MFAP3L: variants seen among roughly 807,000 people sequenced by gnomAD.
The protein encoded by MFAP3L is microfibrillar-associated protein 3-like.
In MFAP3L, 5 loss-of-function variants were observed where a neutral mutation model predicts 20.0. That is an observed-to-expected ratio of 0.25 (90% confidence interval 0.13 to 0.53). The LOEUF (loss-of-function observed/expected upper bound fraction) is 0.53, where lower values mean the gene tolerates loss of function less well. MFAP3L is among the 20% of genes least tolerant of loss of function. The pLI, the probability that MFAP3L is intolerant of heterozygous loss-of-function variation, is 0.96. For synonymous variants in MFAP3L, 219 were observed against 213.0 expected, an observed-to-expected ratio of 1.03 and a Z score of -0.25; for missense variants, 409 against 527.5, an observed-to-expected ratio of 0.78 and a Z score of 2.20.
In MFAP3L at chr4:169,990,258, A is replaced by G. The variant is rs374747550; in HGVS notation, c.*1120T>C. 2 of 152,360 alleles carry G rather than the reference A, an allele frequency of 1.3e-5. No individual in the cohort carries two copies. The highest frequency in any genetic ancestry group is 3.9e-4 in the East Asian group (2 of 5,180). 9.4% of individuals were successfully genotyped at this position (152,360 alleles called of 1,614,324 possible). On this transcript the variant is annotated 3_prime_UTR_variant, in exon 3 of 3. Coordinates refer to ENST00000361618, the MANE Select transcript of MFAP3L (RefSeq NM_021647.8). ...CATAATTATTCAACAGTTTTGGCAT[A>G]AAATCTGATGGCACAGTTCCCTTTG...
chr4:169,996,530 A>G (rs1001202498), intron 2 of MFAP3L, among the ~76,000 whole-genome samples: 3 of 152,088 alleles, frequency 2.0e-5, no homozygotes, highest in African/African-American at 7.2e-5. Flanking sequence ...ACAGAGAGCA[A>G]GGGCTTCCTA....
intron 1 of MFAP3L, among the ~76,000 whole-genome samples, chr4:170,023,310 A>G (rs1181050996): frequency 6.6e-6 from 1 of 152,086 alleles, no homozygotes; most frequent in African/African-American, 2.4e-5. Flanking sequence ...TGGCCTCAGG[A>G]GTCTAACTAT....
chr4:170,011,291 A>G (rs1056151155), intron 1 of MFAP3L, among the ~76,000 whole-genome samples: 12 of 152,048 alleles, frequency 7.9e-5, no homozygotes, highest in African/African-American at 2.4e-4. Flanking sequence ...AAATCTGTGG[A>G]AAAAAAATGT....
chr4:170,010,898 G>C (rs1431652597), intron 1 of MFAP3L, among the ~76,000 whole-genome samples: 2 of 152,104 alleles, frequency 1.3e-5, no homozygotes, highest in African/African-American at 4.8e-5. Flanking sequence ...ATAAACTATG[G>C]TGATATGGTT....
chr4:170,004,826 C>T (rs1405721367), intron 2 of MFAP3L, among the ~76,000 whole-genome samples: 1 of 152,208 alleles, frequency 6.6e-6, no homozygotes, highest in Admixed American at 6.5e-5. Context: ...CTCTACTTCA[C>T]ACAGTAAATG....
At position 170,024,797 on chromosome 4, in the gene MFAP3L, A is replaced by G. The variant is rs531970131; in HGVS notation, c.-134+1437T>C. Among the ~76,000 whole-genome samples the G allele has an allele frequency of 2.3e-3, 347 of 152,362 alleles. 4 individuals are homozygous for G. Among genetic ancestry groups the G allele is most frequent in the African/African-American group, 8.0e-3 (332 of 41,594 alleles). On this transcript the variant is annotated intron_variant, in intron 1 of 2. Coordinates refer to ENST00000361618, the MANE Select transcript of MFAP3L (RefSeq NM_021647.8). ...ACTCTATACTGGGGGAAATCACCCC[A>G]GAGAGTATCCAGAATTAGAGCTGGA...
At chr4:170,023,874 A>C (rs1197804316) in intron 1 of MFAP3L, among the ~76,000 whole-genome samples, 1 of 152,244 alleles carries the variant, frequency 6.6e-6, no homozygotes, top group East Asian at 1.9e-4. Flanking sequence ...CGAGTATTTA[A>C]ATTGCAAGCC....
chr4:170,021,434 T>G (rs923015749), intron 1 of MFAP3L, among the ~76,000 whole-genome samples: 1 of 152,210 alleles, frequency 6.6e-6, no homozygotes, highest in Non-Finnish European at 1.5e-5. Flanking sequence ...CATCATTCTA[T>G]GAGAACATTT....
intron 1 of MFAP3L, among the ~76,000 whole-genome samples, chr4:170,016,746 C>T (rs773678994): frequency 2.8e-4 from 43 of 152,190 alleles, no homozygotes; most frequent in Non-Finnish European, 5.4e-4. Flanking sequence ...ACTTACTGCT[C>T]GCCTTTGGTA....
chr4:170,012,389 C>G lies in MFAP3L; in HGVS notation c.-133-6379G>C, dbSNP rs542336416. On this transcript the variant is annotated intron_variant, in intron 1 of 2. Transcript: ENST00000361618. Reference sequence around the variant, plus strand: ...TGTCTCATTTACTAAAAACCAATGGCTGGCACTGTCAGTAGAATACACAAA... The same window carrying G: ...TGTCTCATTTACTAAAAACCAATGGGTGGCACTGTCAGTAGAATACACAAA... Among the ~76,000 whole-genome samples, 188 of 152,352 alleles carry G rather than the reference C, an allele frequency of 1.2e-3. 1 individual carries two copies. Among genetic ancestry groups the G allele is most frequent in the South Asian group, 4.3e-3 (21 of 4,828 alleles).
intron 1 of MFAP3L, among the ~76,000 whole-genome samples, chr4:170,007,224 C>A (rs1422555860): frequency 2.6e-5 from 4 of 152,072 alleles, no homozygotes; most frequent in Non-Finnish European, 1.5e-5. Flanking sequence ...TGCTTTCCTG[C>A]CCTAGGAAGC....
chr4:170,001,659 GCTA>G lies in MFAP3L; in HGVS notation c.298+3918_298+3920del, dbSNP rs376690727. On this transcript the variant is annotated intron_variant, in intron 2 of 2. Coordinates refer to ENST00000361618, the MANE Select transcript of MFAP3L (RefSeq NM_021647.8). ...TGAAATAGTTAGGACTTAATTCCTG[GCTA>G]CTATACATTTCTACTCACTTCTAGC... is the stretch of plus-strand genomic sequence containing the variant. 6.2e-3 allele frequency among the ~76,000 whole-genome samples: 947 copies of G among 152,222 alleles called. 4 individuals carry two copies. The highest frequency in any genetic ancestry group is 0.024 in the South Asian group (118 of 4,818).
intron 1 of MFAP3L, among the ~76,000 whole-genome samples, chr4:170,012,800 A>C (rs1179319684): frequency 6.6e-6 from 1 of 152,186 alleles, no homozygotes; most frequent in Non-Finnish European, 1.5e-5. Context: ...ATTTCCAGCT[A>C]CTTAATGGGT....
In MFAP3L at chr4:170,017,074, C is replaced by T. The variant is rs149964590; in HGVS notation, c.-134+9160G>A. 9.8e-4 allele frequency among the ~76,000 whole-genome samples: 150 copies of T among 152,288 alleles called. 1 individual carries two copies. In the East Asian group the frequency reaches 0.028, roughly 28 times the overall value. Reference sequence around the variant, plus strand: ...TGATTAAGACCATTCAAATTCACAGCGTAGGAACTAGATCACCTAGGGTTT... The same window carrying T: ...TGATTAAGACCATTCAAATTCACAGTGTAGGAACTAGATCACCTAGGGTTT... On this transcript the variant is annotated intron_variant, in intron 1 of 2. Transcript: ENST00000361618.
chr4:169,987,308 T>C lies in MFAP3L; in HGVS notation c.*4070A>G, dbSNP rs1581426796. 3 of 152,276 alleles carry C rather than the reference T, an allele frequency of 2.0e-5. No individual in the cohort carries two copies. The South Asian group carries it at 6.2e-4, about 32-fold the overall frequency. 9.4% of individuals were successfully genotyped at this position (152,276 alleles called of 1,614,324 possible). A position where few individuals can be genotyped will look rare whatever the true frequency, so the allele number is the denominator to read the frequency against. Reference sequence around the variant, plus strand: ...TATGTGAAAATACAATGAGATTTGGTAGATATTTTAAGAGTATGAATAACT... The same window carrying C: ...TATGTGAAAATACAATGAGATTTGGCAGATATTTTAAGAGTATGAATAACT... On this transcript the variant is annotated 3_prime_UTR_variant, in exon 3 of 3. Coordinates refer to ENST00000361618, the MANE Select transcript of MFAP3L (RefSeq NM_021647.8).
At chr4:170,019,477 G>C (rs1385886332) in intron 1 of MFAP3L, among the ~76,000 whole-genome samples, 3 of 152,184 alleles carry the variant, frequency 2.0e-5, no homozygotes, top group African/African-American at 7.2e-5. Context: ...CCAGGAGTTT[G>C]AGGCTACAGT....
intron 2 of MFAP3L, chr4:169,994,163 C>G: frequency 1.0e-6 from 1 of 984,684 alleles, no homozygotes; most frequent in African/African-American, 1.7e-5. Context: ...GTTCTAGAGA[C>G]TTACAGGCTA....
chr4:170,012,809 G>A (rs1305465591), intron 1 of MFAP3L, among the ~76,000 whole-genome samples: 4 of 152,302 alleles, frequency 2.6e-5, no homozygotes, highest in South Asian at 4.1e-4. Context: ...TACTTAATGG[G>A]TAGAACTAAA....
intron 1 of MFAP3L, among the ~76,000 whole-genome samples, chr4:170,024,591 G>A (rs1740238075): frequency 6.6e-6 from 1 of 152,178 alleles, no homozygotes; most frequent in Admixed American, 6.5e-5. Context: ...TTCTATAAAT[G>A]TATTTAGAAA....
Sources: gnomAD v4.1 joint callset for allele counts (sites outside exome capture counted in the v4.1 genomes callset) on GRCh38, gnomAD v4.1.1 for gene constraint, MANE v1.5 for transcripts, NCBI Gene and HGNC (gene_info 2026-07-23, HGNC 2026-07-21) for gene names.